GMDS: variants seen among roughly 807,000 people sequenced by gnomAD.
GMDS encodes the protein GDP-mannose 4,6-dehydratase.
In GMDS, 20 loss-of-function variants were observed where a neutral mutation model predicts 49.9. The observed-to-expected ratio is 0.40, with a 90% confidence interval of 0.28 to 0.58. The LOEUF (loss-of-function observed/expected upper bound fraction) is 0.58. Ranked by LOEUF, GMDS falls within the 20% of genes least tolerant of loss-of-function variation. The probability of loss-of-function intolerance (pLI) is 0.42; values close to 1 mark genes in which losing one functional copy is unlikely to be tolerated. For missense variants in GMDS, 362 were observed against 481.4 expected (o/e 0.75, Z 2.32); for synonymous variants, 177 against 178.6 (o/e 0.99, Z 0.07).
chr6:1,841,736 T>C (rs1264595385), intron 7 of GMDS, among the ~76,000 whole-genome samples: 2 of 152,142 alleles, frequency 1.3e-5, no homozygotes, highest in Non-Finnish European at 2.9e-5. Flanking sequence ...GTTTGTGATG[T>C]AGAGACACAG....
chr6:1,760,711 T>C (rs977386582), intron 7 of GMDS, among the ~76,000 whole-genome samples: 1 of 152,198 alleles, frequency 6.6e-6, no homozygotes, highest in African/African-American at 2.4e-5. Flanking sequence ...TTCACAAAAA[T>C]CTAGATGTCA....
rs80061159 is a variant in GMDS, at chr6:1,718,574, C to T, written c.987+7842G>A. ...CGTGAGTCCCTCATTACACCCACCC[C>T]ACCCCGGGCTGTCCCGGCAGCTTCG... On this transcript the variant is annotated intron_variant, in intron 9 of 10. Coordinates refer to ENST00000380815, the MANE Select transcript of GMDS (RefSeq NM_001500.4). 3.9e-5 allele frequency among the ~76,000 whole-genome samples: 6 copies of T among 152,234 alleles called. No homozygotes were observed. In the East Asian group the frequency reaches 1.2e-3, roughly 29 times the overall value.
At chr6:2,108,917 C>T (rs1485767718) in intron 4 of GMDS, among the ~76,000 whole-genome samples, 1 of 152,106 alleles carries the variant, frequency 6.6e-6, no homozygotes, top group Non-Finnish European at 1.5e-5. Flanking sequence ...TTCTAGAGCC[C>T]ATTTATTAAA....
At chr6:2,066,111 T>C (rs974161078) in intron 4 of GMDS, among the ~76,000 whole-genome samples, 6 of 152,006 alleles carry the variant, frequency 3.9e-5, no homozygotes, top group South Asian at 2.1e-4. Flanking sequence ...TGGGGGCCAA[T>C]ATTCAACATT....
intron 1 of GMDS, among the ~76,000 whole-genome samples, chr6:2,171,419 A>T (rs1778000352): frequency 6.6e-6 from 1 of 152,224 alleles, no homozygotes; most frequent in African/African-American, 2.4e-5. Context: ...GTCCAAGATC[A>T]ACTACCCGAA....
chr6:1,705,920 G>A (rs1019389397), intron 9 of GMDS, among the ~76,000 whole-genome samples: 1 of 152,188 alleles, frequency 6.6e-6, no homozygotes, highest in East Asian at 1.9e-4. Context: ...GGGTGGCGGC[G>A]CAGCAGGAAG....
At chr6:2,136,222 C>A (rs1249260004) in intron 1 of GMDS, among the ~76,000 whole-genome samples, 1 of 152,168 alleles carries the variant, frequency 6.6e-6, no homozygotes, top group Non-Finnish European at 1.5e-5. Flanking sequence ...TGGCATATCA[C>A]AATTCAAATG....
intron 9 of GMDS, among the ~76,000 whole-genome samples, chr6:1,677,716 T>C (rs761561624): frequency 4.7e-5 from 7 of 147,930 alleles, no homozygotes; most frequent in Non-Finnish European, 1.0e-4. Flanking sequence ...AAGCACCGCA[T>C]GTTCTCACTC....
chr6:1,972,023 G>A (rs1764640214), intron 4 of GMDS, among the ~76,000 whole-genome samples: 1 of 152,102 alleles, frequency 6.6e-6, no homozygotes, highest in Non-Finnish European at 1.5e-5. Context: ...CATTCCTTGA[G>A]TTTGAGAATC....
chr6:1,827,581 A>G (rs17133007), intron 7 of GMDS, among the ~76,000 whole-genome samples: 2,028 of 152,284 alleles, frequency 0.013, 37 homozygotes, highest in African/African-American at 0.047. Flanking sequence ...AGGCTTTGAT[A>G]TCATTATTTC....
chr6:1,835,750 G>A (rs573644588), intron 7 of GMDS, among the ~76,000 whole-genome samples: 176 of 152,198 alleles, frequency 1.2e-3, no homozygotes, highest in South Asian at 2.3e-3. Context: ...AATTCTTTAA[G>A]ATATCAATTT....
At chr6:1,796,698 A>C (rs181002013) in intron 7 of GMDS, among the ~76,000 whole-genome samples, 15 of 152,346 alleles carry the variant, frequency 9.8e-5, no homozygotes, top group African/African-American at 3.1e-4. Context: ...TAAAAATAAC[A>C]ATCATAAAAT....
chr6:2,100,576 T>C (rs1444157206), intron 4 of GMDS, among the ~76,000 whole-genome samples: 1 of 152,038 alleles, frequency 6.6e-6, no homozygotes, highest in Non-Finnish European at 1.5e-5. Context: ...AAATATTTTG[T>C]ATGTGGCAAC....
intron 7 of GMDS, among the ~76,000 whole-genome samples, chr6:1,781,275 G>A (rs1581173670): frequency 6.6e-6 from 1 of 152,142 alleles, no homozygotes; most frequent in African/African-American, 2.4e-5. Context: ...GCTGGTTCAG[G>A]TCCCGGGTGA....
chr6:1,752,510 C>T (rs1767774932), intron 7 of GMDS, among the ~76,000 whole-genome samples: 1 of 152,120 alleles, frequency 6.6e-6, no homozygotes, highest in African/African-American at 2.4e-5. Context: ...GACAGGCGAA[C>T]ATTCAAATTC....
rs184516499 is a variant in GMDS at position 1,971,992 on chromosome 6, G to A, written c.346-11026C>T. Among the ~76,000 whole-genome samples the A allele has an allele frequency of 5.0e-3, 753 of 152,096 alleles. 9 individuals are homozygous for A. Among genetic ancestry groups the A allele is most frequent in the Non-Finnish European group, 5.5e-3 (375 of 67,998 alleles). On this transcript the variant is annotated intron_variant, in intron 4 of 10. Transcript: ENST00000380815. ...CAGCTCTTCTGACTTACTCCAAAAC[G>A]AAGAACAGCTGCCCCAGCAACATTC...
intron 7 of GMDS, among the ~76,000 whole-genome samples, chr6:1,871,128 G>C (rs1314889521): frequency 1.3e-5 from 2 of 151,894 alleles, no homozygotes; most frequent in African/African-American, 4.8e-5. Context: ...CACAAGGAGA[G>C]TTAACGAGTA....
chr6:1,693,451 C>T (rs1164629568), intron 9 of GMDS, among the ~76,000 whole-genome samples: 1 of 152,244 alleles, frequency 6.6e-6, no homozygotes, highest in African/African-American at 2.4e-5. Context: ...CATGCCTCAT[C>T]CTGTTCAGTC....
At chr6:2,220,266 A>G (rs1780523970) in intron 1 of GMDS, among the ~76,000 whole-genome samples, 1 of 152,214 alleles carries the variant, frequency 6.6e-6, no homozygotes, top group Non-Finnish European at 1.5e-5. Context: ...AACACAAGAT[A>G]CAGGTACGGT....
Sources: gnomAD v4.1 joint callset for allele counts (sites outside exome capture counted in the v4.1 genomes callset) on GRCh38, gnomAD v4.1.1 for gene constraint, MANE v1.5 for transcripts, NCBI Gene and HGNC (gene_info 2026-07-23, HGNC 2026-07-21) for gene names.